The following TPTE2 variants were observed in gnomAD, a reference collection of about 807,000 sequenced individuals.
TPTE2 encodes the protein transmembrane phosphoinositide 3-phosphatase and tensin homolog 2.
A neutral mutation model predicts 78.6 loss-of-function variants in TPTE2; 53 were observed. The ratio of observed to expected loss-of-function variants is 0.67; its 90% confidence interval spans 0.54 to 0.85. The LOEUF is 0.85. Ranked by LOEUF, TPTE2 falls within the 40% of genes least tolerant of loss-of-function variation. TPTE2 has a pLI of 0.00. For synonymous variants in TPTE2, 175 were observed against 206.2 expected (o/e 0.85, Z 1.30); for missense variants, 461 against 623.0 (o/e 0.74, Z 2.77).
intron 15 of TPTE2, among the ~76,000 whole-genome samples, chr13:19,433,920 T>C (rs534681016): frequency 1.5e-4 from 23 of 152,328 alleles, no homozygotes; most frequent in Admixed American, 1.4e-3. Context: ...GGGACAGTTG[T>C]TGAAGGAGCT....
At chr13:19,497,483 T>TCCCTGAC (rs1245310126) in intron 1 of TPTE2, among the ~76,000 whole-genome samples, 5 of 100,694 alleles carry the variant, frequency 5.0e-5, no homozygotes, top group Non-Finnish European at 9.4e-5. Flanking sequence ...CTCAAGTGGG[T>TCCCTGAC]CCCTGACCCC....
intron 4 of TPTE2, among the ~76,000 whole-genome samples, chr13:19,477,280 T>A: frequency 6.6e-6 from 1 of 150,874 alleles, no homozygotes; most frequent in Admixed American, 6.6e-5. Flanking sequence ...AATACCTGGA[T>A]GATGAAATAA....
chr13:19,522,401 A>T (rs553503286), intron 1 of TPTE2, among the ~76,000 whole-genome samples: 2 of 152,256 alleles, frequency 1.3e-5, no homozygotes, highest in South Asian at 4.2e-4. Context: ...CCACTCACAA[A>T]ATTGTGAAGA....
chr13:19,491,425 C>T (rs1005599294), intron 3 of TPTE2, among the ~76,000 whole-genome samples: 3 of 152,156 alleles, frequency 2.0e-5, no homozygotes, highest in African/African-American at 7.2e-5. Context: ...AATCCTACCA[C>T]ATAAGCCCAG....
chr13:19,434,181 G>A (rs1203117209), intron 15 of TPTE2, among the ~76,000 whole-genome samples: 1 of 152,202 alleles, frequency 6.6e-6, no homozygotes, highest in Non-Finnish European at 1.5e-5. Flanking sequence ...GGATACAGAA[G>A]TCACCACTTC....
At chr13:19,427,545 C>T (rs564322408) in intron 17 of TPTE2, among the ~76,000 whole-genome samples, 95 of 152,242 alleles carry the variant, frequency 6.2e-4, no homozygotes, top group South Asian at 4.6e-3. Flanking sequence ...CTAGCATTGA[C>T]ATTCAAAAAG....
chr13:19,478,231 G>A (rs766068834), intron 4 of TPTE2, among the ~76,000 whole-genome samples: 3,726 of 152,162 alleles, frequency 0.024, 61 homozygotes, highest in Middle Eastern at 0.051. Flanking sequence ...GCAACCTACA[G>A]AATGGGAGAA....
intron 1 of TPTE2, among the ~76,000 whole-genome samples, chr13:19,501,681 C>T (rs1322676935): frequency 6.6e-6 from 1 of 151,804 alleles, no homozygotes; most frequent in Admixed American, 6.6e-5. Flanking sequence ...AAACATTAGA[C>T]CTAAAACCAT....
chr13:19,488,760 CT>C (rs1880808290), intron 3 of TPTE2, among the ~76,000 whole-genome samples: 1 of 152,214 alleles, frequency 6.6e-6, no homozygotes, highest in Admixed American at 6.5e-5. Flanking sequence ...AGCAATCAGA[CT>C]GTTTTGCTTT....
chr13:19,561,551 G>C, the TPTE2 span, among the ~76,000 whole-genome samples: 455 of 152,274 alleles, frequency 3.0e-3, 3 homozygotes, highest in African/African-American at 0.01. Context: ...AGTTCTTCCC[G>C]GCCGTTGCGA....
At chr13:19,460,252 T>C (rs1225930921) in intron 10 of TPTE2, among the ~76,000 whole-genome samples, 3 of 152,186 alleles carry the variant, frequency 2.0e-5, no homozygotes, top group African/African-American at 4.8e-5. Context: ...GAGAGAAGCA[T>C]GGTTTCCTGG....
At chr13:19,528,115 C>T (rs1870626578) in intron 1 of TPTE2, among the ~76,000 whole-genome samples, 1 of 152,110 alleles carries the variant, frequency 6.6e-6, no homozygotes, top group African/African-American at 2.4e-5. Context: ...GGTGCGGTGG[C>T]TCACACCTGT....
intron 1 of TPTE2, among the ~76,000 whole-genome samples, chr13:19,533,554 T>C (rs1871012647): frequency 6.6e-6 from 1 of 152,222 alleles, no homozygotes; most frequent in South Asian, 2.1e-4. Context: ...CTCTGTCCAT[T>C]GTGGCACTGG....
chr13:19,469,665 T>G (rs1222177695), intron 6 of TPTE2, among the ~76,000 whole-genome samples: 1 of 152,188 alleles, frequency 6.6e-6, no homozygotes, highest in East Asian at 1.9e-4. Flanking sequence ...AAATGGAATC[T>G]CTTTCCATTT....
chr13:19,452,471 T>C (rs897785013), intron 10 of TPTE2, among the ~76,000 whole-genome samples: 2 of 152,096 alleles, frequency 1.3e-5, no homozygotes, highest in African/African-American at 4.8e-5. Flanking sequence ...AATAATTCAT[T>C]AACAACAACT....
chr13:19,474,272 A>G (rs1419172981), intron 5 of TPTE2, among the ~76,000 whole-genome samples, 197 bp from the exon 9 acceptor site: 1 of 152,188 alleles, frequency 6.6e-6, no homozygotes, highest in African/African-American at 2.4e-5. Context: ...TTTTCACCCA[A>G]TAGAAGCAGT....
chr13:19,489,901 G>C (rs1880904520), intron 3 of TPTE2, among the ~76,000 whole-genome samples: 1 of 151,822 alleles, frequency 6.6e-6, no homozygotes, highest in Non-Finnish European at 1.5e-5. Flanking sequence ...ATTTTATCCG[G>C]GCCAGTGCTA....
the TPTE2 span, among the ~76,000 whole-genome samples, chr13:19,557,596 A>G: frequency 2.0e-5 from 3 of 152,296 alleles, no homozygotes; most frequent in Middle Eastern, 6.8e-3. Flanking sequence ...TCATCTATTC[A>G]TCAAGCTGGA....
intron 16 of TPTE2, among the ~76,000 whole-genome samples, chr13:19,431,974 G>A (rs1351371667): frequency 3.4e-5 from 3 of 88,614 alleles, no homozygotes; most frequent in East Asian, 2.7e-4. Context: ...CTGGGAGTGA[G>A]AGGGTTACAG....
Sources: gnomAD v4.1 joint callset for allele counts (sites outside exome capture counted in the v4.1 genomes callset) on GRCh38, gnomAD v4.1.1 for gene constraint, MANE v1.5 for transcripts, NCBI Gene and HGNC (gene_info 2026-07-23, HGNC 2026-07-21) for gene names.